The following TTC7A variants were observed in gnomAD, a reference collection of about 807,000 sequenced individuals.
TTC7A encodes the protein tetratricopeptide repeat protein 7A.
In TTC7A, 110 loss-of-function variants were observed where a neutral mutation model predicts 103.7. The ratio of observed to expected loss-of-function variants is 1.06; its 90% CI spans 0.91 to 1.24. The LOEUF is 1.24. TTC7A is among the 50% of genes most tolerant of loss of function. TTC7A has a pLI of 0.00. For synonymous variants in TTC7A, 521 were observed against 467.9 expected (o/e 1.11, Z -1.47); for missense variants, 1,340 against 1,116.3 (o/e 1.20, Z -2.86).
chr2:46,999,894 G>A (rs1246798443), intron 8 of TTC7A: 2 of 985,304 alleles, frequency 2.0e-6, no homozygotes, highest in African/African-American at 3.5e-5. Flanking sequence ...GGGTGGATAG[G>A]TAAGTCTCTG....
At chr2:47,023,326 G>A in intron 12 of TTC7A, 82 bp from the exon 13 acceptor site, 2 of 1,459,698 alleles carry the variant, frequency 1.4e-6, no homozygotes, top group Non-Finnish European at 9.5e-7. Context: ...CTGCAGAGCT[G>A]TGTGCTTTGA....
At chr2:46,998,924 A>T (rs576064841) in intron 8 of TTC7A, among the ~76,000 whole-genome samples, 25 of 152,352 alleles carry the variant, frequency 1.6e-4, no homozygotes, top group African/African-American at 5.8e-4. Context: ...TGCAAGGAGG[A>T]TATAAGATAT....
At chr2:46,991,526 C>G (rs1461307740) in intron 5 of TTC7A, among the ~76,000 whole-genome samples, 1 of 152,038 alleles carries the variant, frequency 6.6e-6, no homozygotes, top group African/African-American at 2.4e-5. Context: ...TAGTGACACA[C>G]AATGTGGTTT....
At position 46,934,787 on chromosome 2, in the gene TTC7A, C is replaced by CTTTTTTTTTT. The variant is rs1161003607; in HGVS notation, c.83-15553_83-15544dup. Among the ~76,000 whole-genome samples the CTTTTTTTTTT allele has an allele frequency of 2.3e-3, 155 of 66,910 alleles. 17 individuals carry two copies. The highest frequency in any genetic ancestry group is 3.5e-3 in the Non-Finnish European group (130 of 37,308). The allele number at this position is 66,910 out of a possible 152,430, so 43.9% of individuals were successfully genotyped here. ...GGAATAAGGTATGAAGACTACTGCT[C>CTTTTTTTTTT]TTTTTTTTTTTTTTTTTTTTTTTTT... On this transcript the variant is annotated intron_variant, in intron 2 of 20. Coordinates refer to the TTC7A transcript ENST00000409245.
chr2:47,062,538 A>T (rs1160682819), intron 19 of TTC7A, among the ~76,000 whole-genome samples: 1 of 152,198 alleles, frequency 6.6e-6, no homozygotes, highest in Non-Finnish European at 1.5e-5. Context: ...CAGAGGTCAC[A>T]TCCAGAAACT....
intron 11 of TTC7A, among the ~76,000 whole-genome samples, chr2:47,019,545 C>T (rs983090247): frequency 6.6e-6 from 1 of 152,048 alleles, no homozygotes; most frequent in African/African-American, 2.4e-5. Flanking sequence ...CTACTAATCT[C>T]GGGGTCAGAG....
upstream of TTC7A, among the ~76,000 whole-genome samples, chr2:46,939,280 C>T (rs183955586): frequency 5.9e-5 from 9 of 152,094 alleles, no homozygotes; most frequent in Middle Eastern, 3.4e-3. Context: ...ATTGGCCAGG[C>T]GCAGTGGCTC....
At chr2:47,073,560 C>A in intron 19 of TTC7A, 142 bp from the exon 20 acceptor site, 1 of 712,722 alleles carries the variant, frequency 1.4e-6, no homozygotes, top group Non-Finnish European at 2.4e-6. Flanking sequence ...GGCACAGTCA[C>A]TTAACAGTGC....
At chr2:47,022,550 T>C (rs538730772) in intron 12 of TTC7A, among the ~76,000 whole-genome samples, 1 of 152,238 alleles carries the variant, frequency 6.6e-6, no homozygotes, top group African/African-American at 2.4e-5. Flanking sequence ...TCTTACTCCG[T>C]CTATCAGGCA....
At chr2:47,072,731 C>G (rs914767425) in intron 19 of TTC7A, among the ~76,000 whole-genome samples, 1 of 152,326 alleles carries the variant, frequency 6.6e-6, no homozygotes, top group East Asian at 1.9e-4. Context: ...GTGCTGTCAT[C>G]TCATGCCACC....
intron 14 of TTC7A, among the ~76,000 whole-genome samples, chr2:47,028,641 C>T (rs1019357565): frequency 6.6e-6 from 1 of 152,198 alleles, no homozygotes; most frequent in African/African-American, 2.4e-5. Context: ...TGTGGCTTTC[C>T]TGACCCTGCA....
At chr2:46,927,503 T>C (rs1279689391) in intron 2 of TTC7A, among the ~76,000 whole-genome samples, 1 of 151,788 alleles carries the variant, frequency 6.6e-6, no homozygotes, top group Non-Finnish European at 1.5e-5. Context: ...ACTACAGGCA[T>C]CCGCCACCAC....
chr2:46,983,763 T>TG (rs1674723691), intron 5 of TTC7A, among the ~76,000 whole-genome samples: 1 of 152,216 alleles, frequency 6.6e-6, no homozygotes, highest in Non-Finnish European at 1.5e-5. Flanking sequence ...TGGGACCTTA[T>TG]GGGAAAGTCT....
intron 15 of TTC7A, among the ~76,000 whole-genome samples, chr2:47,029,834 C>A (rs143538073): frequency 1.3e-5 from 2 of 152,188 alleles, no homozygotes; most frequent in Non-Finnish European, 2.9e-5. Context: ...GGTGGTCCTG[C>A]TCCTTCATAC....
intron 2 of TTC7A, among the ~76,000 whole-genome samples, chr2:46,931,114 CA>C (rs1669678204): frequency 6.6e-6 from 1 of 152,172 alleles, no homozygotes; most frequent in African/African-American, 2.4e-5. Flanking sequence ...TAATGGCCCC[CA>C]AAGATGTTTA....
At chr2:47,003,161 A>G (rs1358089871) in intron 8 of TTC7A, among the ~76,000 whole-genome samples, 6 of 151,940 alleles carry the variant, frequency 3.9e-5, no homozygotes. Flanking sequence ...CCAGGCCCAG[A>G]GTCTTTCTCT....
At chr2:46,960,562 A>C (rs1672283999) in intron 3 of TTC7A, among the ~76,000 whole-genome samples, 1 of 151,396 alleles carries the variant, frequency 6.6e-6, no homozygotes, top group Admixed American at 6.6e-5. Flanking sequence ...AAACTCACTG[A>C]ATCAGAATCT....
Position 46,995,170 on chromosome 2 carries a change from C to T in TTC7A, c.1036C>T (p.Leu346Phe), listed in dbSNP as rs750241083. ...YCPKDNIEEA[L>F]LLLLISESMA... ...CCCCAAGGACAACATCGAGGAAGCC[C>T]TCCTGCTCCTCCTCATCAGCGAATC... The change falls in exon 8 of 20, where the codon CTC becomes TTC. Residue 346 changes from leucine to phenylalanine, a missense_variant. Leu to Phe is a conservative substitution (Grantham distance 22, BLOSUM62 0). Coordinates refer to ENST00000319190, the MANE Select transcript of TTC7A (RefSeq NM_020458.4). 1.9e-6 allele frequency: 3 copies of T among 1,614,176 alleles called. No homozygotes were observed. The highest frequency in any genetic ancestry group is 1.7e-6 in the Non-Finnish European group (2 of 1,180,036).
At chr2:46,931,606 A>T (rs1281217678) in intron 2 of TTC7A, among the ~76,000 whole-genome samples, 1 of 152,120 alleles carries the variant, frequency 6.6e-6, no homozygotes, top group Non-Finnish European at 1.5e-5. Context: ...CAGCCAAGGA[A>T]TGCAGTCGGC....
Sources: allele counts gnomAD v4.1 joint callset (sites outside exome capture counted in the v4.1 genomes callset), GRCh38; gene constraint gnomAD v4.1.1; transcripts MANE v1.5; gene names NCBI Gene and HGNC (gene_info 2026-07-23, HGNC 2026-07-21).